SAMD12: variants seen among roughly 807,000 people sequenced by gnomAD.
The protein encoded by SAMD12 is sterile alpha motif domain-containing protein 12.
SAMD12 carries 9 observed loss-of-function variants against 15.0 expected under a neutral mutation model. The ratio of observed to expected loss-of-function variants is 0.60; its 90% CI spans 0.36 to 1.05. The LOEUF is 1.05. Among genes scored for constraint, SAMD12 ranks in the 50% least tolerant of loss-of-function variants. The pLI is 0.01. For synonymous variants in SAMD12, 86 were observed against 90.1 expected, an observed-to-expected ratio of 0.96 and a Z score of 0.25; for missense variants, 230 against 234.2, an observed-to-expected ratio of 0.98 and a Z score of 0.12.
At chr8:118,222,687 T>A (rs1219357018) in intron 4 of SAMD12, among the ~76,000 whole-genome samples, 1 of 152,076 alleles carries the variant, frequency 6.6e-6, no homozygotes, top group East Asian at 1.9e-4. Flanking sequence ...GTATTTTTAA[T>A]AGAGACGGGG....
At chr8:118,181,287 G>C in the SAMD12 span, among the ~76,000 whole-genome samples, 10 of 152,176 alleles carry the variant, frequency 6.6e-5, no homozygotes, top group African/African-American at 2.4e-4. Flanking sequence ...TCTGCCACTT[G>C]CTATTTTGGG....
At chr8:118,476,163 AGAG>A (rs1458978916) in intron 2 of SAMD12, among the ~76,000 whole-genome samples, 3 of 152,196 alleles carry the variant, frequency 2.0e-5, no homozygotes, top group Non-Finnish European at 4.4e-5. Flanking sequence ...CTGAATGAAA[AGAG>A]GAGTCAAAAC....
chr8:118,197,683 G>T, exon 5 of SAMD12: 1 of 1,604,892 alleles, frequency 6.2e-7, no homozygotes, highest in Non-Finnish European at 8.5e-7. Flanking sequence ...CAACTGGCAG[G>T]ACAGCAGCTT....
chr8:118,446,965 C>G (rs1330579090), intron 2 of SAMD12, among the ~76,000 whole-genome samples: 1 of 152,104 alleles, frequency 6.6e-6, no homozygotes, highest in Non-Finnish European at 1.5e-5. Flanking sequence ...ATATCAAACT[C>G]AACATGTCCA....
intron 2 of SAMD12, among the ~76,000 whole-genome samples, chr8:118,578,661 C>T (rs918594052): frequency 2.0e-5 from 3 of 152,176 alleles, no homozygotes; most frequent in African/African-American, 4.8e-5. Context: ...GTCTAAGGTA[C>T]AAAAGCTTCA....
the SAMD12 span, among the ~76,000 whole-genome samples, chr8:118,177,081 G>A: frequency 6.6e-6 from 1 of 152,186 alleles, no homozygotes; most frequent in African/African-American, 2.4e-5. Context: ...ATGAGTGGAT[G>A]CGTTTCGGGT....
chr8:118,539,126 TCTG>T (rs1434390229), intron 2 of SAMD12, among the ~76,000 whole-genome samples: 1 of 152,220 alleles, frequency 6.6e-6, no homozygotes, highest in Non-Finnish European at 1.5e-5. Flanking sequence ...GTCACTCACA[TCTG>T]CTGCATTGCT....
chr8:118,602,252 A>C (rs1381744781), intron 1 of SAMD12, among the ~76,000 whole-genome samples: 1 of 152,218 alleles, frequency 6.6e-6, no homozygotes, highest in African/African-American at 2.4e-5. Context: ...GTACACGTGC[A>C]CTACAGCACT....
At chr8:118,146,086 G>T in the SAMD12 span, among the ~76,000 whole-genome samples, 1 of 152,222 alleles carries the variant, frequency 6.6e-6, no homozygotes, top group Non-Finnish European at 1.5e-5. Context: ...TGCCATGGGA[G>T]CTTAACCATG....
the SAMD12 span, among the ~76,000 whole-genome samples, chr8:118,163,108 G>T: frequency 1.3e-5 from 2 of 152,062 alleles, no homozygotes; most frequent in African/African-American, 4.8e-5. Flanking sequence ...AAGATTCATG[G>T]TCAATAAAAG....
intron 3 of SAMD12, among the ~76,000 whole-genome samples, chr8:118,381,588 A>G (rs991659081): frequency 3.3e-5 from 5 of 152,168 alleles, no homozygotes; most frequent in Non-Finnish European, 7.3e-5. Flanking sequence ...AAGAAGGGAG[A>G]GCCAGAGAGA....
At chr8:118,188,334 G>T (rs1053456758), downstream of SAMD12, among the ~76,000 whole-genome samples, 12 of 152,110 alleles carry the variant, frequency 7.9e-5, no homozygotes, top group African/African-American at 2.7e-4. Flanking sequence ...CTGACAAAAA[G>T]GTGGCTCCAT....
chr8:118,588,558 A>G (rs1299255136), intron 1 of SAMD12, among the ~76,000 whole-genome samples: 1 of 152,244 alleles, frequency 6.6e-6, no homozygotes. Flanking sequence ...ATGCTCATTT[A>G]TCTATATAGT....
At chr8:118,370,026 G>A (rs1163390429) in intron 4 of SAMD12, among the ~76,000 whole-genome samples, 3 of 152,068 alleles carry the variant, frequency 2.0e-5, no homozygotes, top group Non-Finnish European at 4.4e-5. Flanking sequence ...TCTGACCAAG[G>A]TCTAATATCC....
rs1819384809 is a variant in SAMD12, at chr8:118,191,763, TATATATATATATATATA to T, written c.*5930_*5946del. 1.5e-3 allele frequency: 22 copies of T among 14,412 alleles called. 2 individuals are homozygous for T. The highest frequency in any genetic ancestry group is 0.091 in the Middle Eastern group (2 of 22). 0.9% of individuals were successfully genotyped at this position (14,412 alleles called of 1,614,324 possible). ...GAAAAAAAATACTGGAGATTATATA[TATATATATATATATATA>T]TATATATATATATATATATATATAT... On this transcript the variant is annotated 3_prime_UTR_variant, in exon 5 of 5. Coordinates refer to the SAMD12 transcript ENST00000409003.
At chr8:118,232,553 A>T (rs1169533535) in intron 4 of SAMD12, among the ~76,000 whole-genome samples, 1 of 152,178 alleles carries the variant, frequency 6.6e-6, no homozygotes, top group East Asian at 1.9e-4. Context: ...TCATGTCCTT[A>T]TTAGAACACC....
intron 4 of SAMD12, among the ~76,000 whole-genome samples, chr8:118,336,105 T>C (rs1181134846): frequency 6.6e-6 from 1 of 152,172 alleles, no homozygotes; most frequent in Non-Finnish European, 1.5e-5. Flanking sequence ...CATTAAGATT[T>C]GGCAAGATTT....
At chr8:118,155,133 T>G in the SAMD12 span, among the ~76,000 whole-genome samples, 1 of 152,202 alleles carries the variant, frequency 6.6e-6, no homozygotes, top group Non-Finnish European at 1.5e-5. Context: ...TATGCATATA[T>G]GTATTTATTT....
intron 3 of SAMD12, among the ~76,000 whole-genome samples, chr8:118,381,033 C>T (rs1443213089): frequency 2.6e-5 from 4 of 152,154 alleles, no homozygotes. Flanking sequence ...AAATGCTCAG[C>T]TTAGAGTCAT....
Sources: gnomAD v4.1 joint callset for allele counts (sites outside exome capture counted in the v4.1 genomes callset) on GRCh38, gnomAD v4.1.1 for gene constraint, MANE v1.5 for transcripts, NCBI Gene and HGNC (gene_info 2026-07-23, HGNC 2026-07-21) for gene names.